Variants in SPOCK3 observed in about 807,000 individuals in gnomAD.
SPOCK3 encodes SPARC (osteonectin), cwcv and kazal like domains proteoglycan 3.
SPOCK3 carries 30 observed loss-of-function variants against 56.6 expected under a neutral mutation model. That is an observed-to-expected ratio of 0.53 (90% confidence interval 0.40 to 0.72). The LOEUF (loss-of-function observed/expected upper bound fraction) is 0.72. SPOCK3 is among the 30% of genes least tolerant of loss of function. SPOCK3 has a pLI of 0.00. For synonymous variants in SPOCK3, 196 were observed against 183.3 expected (o/e 1.07, Z -0.56); for missense variants, 527 against 530.0 (o/e 0.99, Z 0.06).
At chr4:166,779,279 C>G (rs1251611410) in intron 7 of SPOCK3, among the ~76,000 whole-genome samples, 2 of 151,796 alleles carry the variant, frequency 1.3e-5, no homozygotes, top group Non-Finnish European at 2.9e-5. Flanking sequence ...ATATGGAACT[C>G]ATTCTCAAAA....
intron 6 of SPOCK3, among the ~76,000 whole-genome samples, chr4:166,826,798 C>T (rs960706761): frequency 6.6e-6 from 1 of 151,882 alleles, no homozygotes; most frequent in Admixed American, 6.6e-5. Flanking sequence ...TGTCACTCAC[C>T]CCTTTGTAGT....
At chr4:166,980,611 A>C (rs1044358549) in intron 4 of SPOCK3, among the ~76,000 whole-genome samples, 2 of 152,238 alleles carry the variant, frequency 1.3e-5, no homozygotes, top group Non-Finnish European at 1.5e-5. Flanking sequence ...TTGCATGAGC[A>C]AGCGTGGGGT....
chr4:167,205,349 A>T (rs1375195800), intron 2 of SPOCK3, among the ~76,000 whole-genome samples: 4 of 39,238 alleles, frequency 1.0e-4, no homozygotes, highest in Admixed American at 5.7e-4. Context: ...TATTATATAT[A>T]TAATATATAT....
intron 3 of SPOCK3, among the ~76,000 whole-genome samples, chr4:167,039,702 G>A (rs577165702): frequency 1.3e-5 from 2 of 151,692 alleles, no homozygotes; most frequent in South Asian, 4.2e-4. Context: ...CTGAAAAGTT[G>A]CACTGTATAC....
intron 4 of SPOCK3, among the ~76,000 whole-genome samples, chr4:166,930,154 A>G (rs191115413): frequency 1.2e-3 from 185 of 152,254 alleles, no homozygotes; most frequent in African/African-American, 4.0e-3. Flanking sequence ...TTATAAAAAA[A>G]TGTTTTGCTA....
intron 2 of SPOCK3, among the ~76,000 whole-genome samples, chr4:167,090,754 C>G (rs1049108393): frequency 6.6e-6 from 1 of 152,090 alleles, no homozygotes; most frequent in Non-Finnish European, 1.5e-5. Flanking sequence ...CCACCCACCT[C>G]GTCCTCCCAA....
intron 8 of SPOCK3, among the ~76,000 whole-genome samples, chr4:166,749,377 T>A (rs1736069096): frequency 3.3e-5 from 3 of 90,514 alleles, no homozygotes; most frequent in South Asian, 2.8e-4. Context: ...CTGAGCAAAC[T>A]ATCACAAGGA....
chr4:166,741,666 T>C (rs1734856129), intron 9 of SPOCK3, among the ~76,000 whole-genome samples: 1 of 152,190 alleles, frequency 6.6e-6, no homozygotes, highest in Admixed American at 6.5e-5. Flanking sequence ...CATATACATA[T>C]ATATATATTT....
At chr4:166,971,994 G>T (rs953365410) in intron 4 of SPOCK3, among the ~76,000 whole-genome samples, 17 of 152,252 alleles carry the variant, frequency 1.1e-4, no homozygotes, top group African/African-American at 3.6e-4. Context: ...TGGTATGAGA[G>T]AATTATAACT....
At chr4:167,021,370 T>G (rs1751154178) in intron 3 of SPOCK3, among the ~76,000 whole-genome samples, 1 of 151,918 alleles carries the variant, frequency 6.6e-6, no homozygotes, top group African/African-American at 2.4e-5. Context: ...AGTAAAAAAA[T>G]TGTAAGGTAA....
intron 5 of SPOCK3, among the ~76,000 whole-genome samples, chr4:166,903,850 G>C (rs1736328006): frequency 1.3e-5 from 2 of 151,958 alleles, no homozygotes; most frequent in Non-Finnish European, 2.9e-5. Flanking sequence ...TGCTCATAGA[G>C]TATATCCAGT....
intron 7 of SPOCK3, among the ~76,000 whole-genome samples, chr4:166,785,626 T>C (rs1740651374): frequency 6.6e-6 from 1 of 150,864 alleles, no homozygotes; most frequent in Non-Finnish European, 1.5e-5. Flanking sequence ...TTTGATGGTA[T>C]GTGAAGCTAG....
intron 6 of SPOCK3, among the ~76,000 whole-genome samples, chr4:166,885,951 A>G (rs925967767): frequency 1.3e-5 from 2 of 152,266 alleles, no homozygotes; most frequent in East Asian, 3.9e-4. Flanking sequence ...TACTGTGCTT[A>G]TGTACCATTG....
At chr4:167,111,254 A>C (rs1760877024) in intron 2 of SPOCK3, among the ~76,000 whole-genome samples, 1 of 152,120 alleles carries the variant, frequency 6.6e-6, no homozygotes, top group Non-Finnish European at 1.5e-5. Context: ...GTAAACATGC[A>C]AGTAAGATCA....
intron 2 of SPOCK3, among the ~76,000 whole-genome samples, chr4:167,072,617 T>C (rs1422124473): frequency 1.3e-5 from 2 of 151,988 alleles, no homozygotes; most frequent in Non-Finnish European, 2.9e-5. Flanking sequence ...AGAACGTTAA[T>C]AGAATTTGCA....
intron 2 of SPOCK3, among the ~76,000 whole-genome samples, chr4:167,107,374 T>A (rs1332695432): frequency 1.3e-5 from 2 of 151,408 alleles, no homozygotes; most frequent in African/African-American, 4.9e-5. Context: ...ATGTGTTATA[T>A]CAAGAGAATG....
At chr4:167,203,030 G>T (rs534968849) in intron 2 of SPOCK3, among the ~76,000 whole-genome samples, 1 of 151,780 alleles carries the variant, frequency 6.6e-6, no homozygotes, top group Non-Finnish European at 1.5e-5. Flanking sequence ...ATTAAAACCT[G>T]ATTATTCCTA....
At position 166,754,713 on chromosome 4, in the gene SPOCK3, G is replaced by C; in HGVS notation, c.726C>G (p.Ile242Met). Residue 242 changes from isoleucine (I) to methionine (M), a missense_variant, in exon 8 of 11, where the codon ATC becomes ATG. Coordinates refer to ENST00000357545, the MANE Select transcript of SPOCK3 (RefSeq NM_001040159.2). ...RPERSRFDTS[I>M]LPICKDSLGW... Reference sequence around the variant, plus strand: ...CAAGTGAGTCCTTGCAAATTGGCAAGATGCTGGTATCGAATCCTAAAGGCA... The same window carrying C: ...CAAGTGAGTCCTTGCAAATTGGCAACATGCTGGTATCGAATCCTAAAGGCA... 3.1e-6 allele frequency: 5 copies of C among 1,613,414 alleles called. No individual in the cohort carries two copies. Among genetic ancestry groups the C allele is most frequent in the Non-Finnish European group, 4.2e-6 (5 of 1,179,608 alleles).
intron 3 of SPOCK3, among the ~76,000 whole-genome samples, chr4:167,028,958 G>A (rs143123174): frequency 5.3e-5 from 8 of 151,864 alleles, no homozygotes; most frequent in Admixed American, 1.3e-4. Flanking sequence ...ACATGTGCAG[G>A]ATGTGCAGGT....
Sources: allele counts gnomAD v4.1 joint callset (sites outside exome capture counted in the v4.1 genomes callset), GRCh38; gene constraint gnomAD v4.1.1; transcripts MANE v1.5; gene names NCBI Gene and HGNC (gene_info 2026-07-23, HGNC 2026-07-21).